Variants in SLC22A15 observed in about 807,000 individuals in gnomAD.
SLC22A15 encodes flipt 1.
SLC22A15 carries 45 observed loss-of-function variants against 62.7 expected under a neutral mutation model. The observed-to-expected ratio is 0.72, with a 90% CI of 0.56 to 0.92. SLC22A15 has a LOEUF of 0.92. Among genes scored for constraint, SLC22A15 ranks in the 40% least tolerant of loss-of-function variants. SLC22A15 has a pLI of 0.00. For synonymous variants in SLC22A15, 264 were observed against 267.0 expected, an observed-to-expected ratio of 0.99 and a Z score of 0.11; for missense variants, 622 against 665.6, an observed-to-expected ratio of 0.93 and a Z score of 0.72.
chr1:116,035,870 C>G (rs1174647472), intron 7 of SLC22A15, among the ~76,000 whole-genome samples: 1 of 152,100 alleles, frequency 6.6e-6, no homozygotes, highest in East Asian at 1.9e-4. Flanking sequence ...TATAGAGCAC[C>G]CTTTCCTCAG....
At chr1:116,021,055 A>G (rs1480079709) in intron 4 of SLC22A15, among the ~76,000 whole-genome samples, 170 bp downstream of exon 4, 2 of 152,204 alleles carry the variant, frequency 1.3e-5, no homozygotes, top group African/African-American at 2.4e-5. Flanking sequence ...AAGTCATTTT[A>G]TTAATATTCC....
chr1:115,981,330 C>T (rs1029806930), intron 1 of SLC22A15, among the ~76,000 whole-genome samples: 1 of 152,188 alleles, frequency 6.6e-6, no homozygotes, highest in Non-Finnish European at 1.5e-5. Context: ...AACATGTGGC[C>T]ATTTACCAGG....
intron 8 of SLC22A15, among the ~76,000 whole-genome samples, chr1:116,058,316 A>C (rs538330987): frequency 6.6e-6 from 1 of 152,330 alleles, no homozygotes; most frequent in Non-Finnish European, 1.5e-5. Context: ...GAACATGAAT[A>C]GACAATTCTC....
intron 2 of SLC22A15, among the ~76,000 whole-genome samples, chr1:116,012,708 T>C (rs1479257092): frequency 6.6e-6 from 1 of 152,182 alleles, no homozygotes; most frequent in Admixed American, 6.5e-5. Flanking sequence ...ACTTTGGAAG[T>C]TGATTTTAAA....
chr1:116,037,463 G>T, intron 8 of SLC22A15, 75 bp downstream of exon 8: 1 of 1,073,070 alleles, frequency 9.3e-7, no homozygotes, highest in South Asian at 1.3e-5. Flanking sequence ...GTGGAGAGAT[G>T]ACCATATGGC....
At chr1:116,036,465 G>T (rs1657632229) in intron 7 of SLC22A15, among the ~76,000 whole-genome samples, 1 of 152,132 alleles carries the variant, frequency 6.6e-6, no homozygotes, top group Admixed American at 6.5e-5. Context: ...AGTTAGGATT[G>T]AAATCTGAAG....
chr1:116,004,212 C>T (rs547713843), intron 2 of SLC22A15, among the ~76,000 whole-genome samples: 6 of 152,264 alleles, frequency 3.9e-5, no homozygotes, highest in South Asian at 2.1e-4. Flanking sequence ...CCTGGCAATA[C>T]GTGTTGTCTC....
At chr1:116,021,373 G>T (rs541085089) in intron 4 of SLC22A15, among the ~76,000 whole-genome samples, 1 of 151,970 alleles carries the variant, frequency 6.6e-6, no homozygotes, top group East Asian at 1.9e-4. Flanking sequence ...ACTGTATTCT[G>T]AATTATTTTT....
chr1:116,021,689 C>G (rs907056942), intron 4 of SLC22A15, among the ~76,000 whole-genome samples: 3 of 152,196 alleles, frequency 2.0e-5, no homozygotes, highest in African/African-American at 7.2e-5. Context: ...CCAGCCATCT[C>G]TTATGTACCA....
chr1:115,986,517 G>A (rs1857234), intron 1 of SLC22A15, among the ~76,000 whole-genome samples: 20 of 152,026 alleles, frequency 1.3e-4, no homozygotes, highest in African/African-American at 3.6e-4. Flanking sequence ...TGTTGAAGCC[G>A]TCAGAGAGAT....
intron 10 of SLC22A15, among the ~76,000 whole-genome samples, chr1:116,064,978 A>G (rs577330938): frequency 6.6e-6 from 1 of 152,136 alleles, no homozygotes; most frequent in Non-Finnish European, 1.5e-5. Flanking sequence ...ATAACATTAG[A>G]GGAGAAATAT....
intron 4 of SLC22A15, among the ~76,000 whole-genome samples, chr1:116,023,830 C>T (rs1656959330): frequency 6.6e-6 from 1 of 152,104 alleles, no homozygotes; most frequent in Middle Eastern, 3.2e-3. Context: ...AGACCCAGGC[C>T]TGTGAAATTC....
At chr1:116,062,711 A>C in intron 8 of SLC22A15, 51 bp from the exon 9 acceptor site, 3 of 1,610,062 alleles carry the variant, frequency 1.9e-6, no homozygotes, top group Non-Finnish European at 2.5e-6. Context: ...TGCCATTTAG[A>C]GGAATTGTTT....
At position 116,037,365 on chromosome 1, in the gene SLC22A15, T is replaced by C. The variant is rs548032909; in HGVS notation, c.1148T>C (p.Val383Ala). ...CTAGGAGGACTGGCTTGTCTTATTG[T>C]AATGTTTCTTCCAGAAAAGAAAGGT... ...LCLGGLACLI[V>A]MFLPEKKDTG... The change falls in exon 8 of 12, where the codon GTA becomes GCA. Residue 383 changes from valine to alanine, a missense_variant. Coordinates refer to ENST00000369503, the MANE Select transcript of SLC22A15 (RefSeq NM_018420.3). 6.2e-7 allele frequency: 1 copy of C among 1,613,236 alleles called. No individual in the cohort carries two copies. Among genetic ancestry groups the C allele is most frequent in the Non-Finnish European group, 8.5e-7 (1 of 1,179,376 alleles).
intron 8 of SLC22A15, among the ~76,000 whole-genome samples, chr1:116,043,370 G>C (rs1657843874): frequency 6.6e-6 from 1 of 152,174 alleles, no homozygotes; most frequent in East Asian, 1.9e-4. Context: ...AGGTTGCAGT[G>C]AGCCGAGATT....
At chr1:116,056,592 C>T (rs548117191) in intron 8 of SLC22A15, among the ~76,000 whole-genome samples, 16 of 151,424 alleles carry the variant, frequency 1.1e-4, no homozygotes, top group East Asian at 3.9e-4. Flanking sequence ...GAGCCCACAT[C>T]GCCAAGTCAA....
intron 8 of SLC22A15, among the ~76,000 whole-genome samples, chr1:116,038,895 G>A (rs149283843): frequency 6.6e-6 from 1 of 152,156 alleles, no homozygotes; most frequent in East Asian, 1.9e-4. Context: ...CATAAGCCAG[G>A]CCAATTAATA....
At position 116,061,586 on chromosome 1, in the gene SLC22A15, A is replaced by T. The variant is rs533980991; in HGVS notation, c.1172-1176A>T. On this transcript the variant is annotated intron_variant, in intron 8 of 11. Coordinates refer to ENST00000369503, the MANE Select transcript of SLC22A15 (RefSeq NM_018420.3). Reference sequence around the variant, plus strand: ...CGTTTGATAGGGAATGGCAGGAAGTACAACAGAGTCAGTGAGAACTTTTTT... The same window carrying T: ...CGTTTGATAGGGAATGGCAGGAAGTTCAACAGAGTCAGTGAGAACTTTTTT... Among the ~76,000 whole-genome samples, 39 of 152,254 alleles carry T rather than the reference A, an allele frequency of 2.6e-4. No homozygotes were observed. In the South Asian group the frequency reaches 2.7e-3, roughly 11 times the overall value.
chr1:116,002,132 G>A (rs952513574), intron 2 of SLC22A15, among the ~76,000 whole-genome samples: 1 of 152,180 alleles, frequency 6.6e-6, no homozygotes, highest in African/African-American at 2.4e-5. Context: ...TTAAGATCTG[G>A]GAGAATTTCC....
Sources: allele counts gnomAD v4.1 joint callset (sites outside exome capture counted in the v4.1 genomes callset), GRCh38; gene constraint gnomAD v4.1.1; transcripts MANE v1.5; gene names NCBI Gene and HGNC (gene_info 2026-07-23, HGNC 2026-07-21).